CNTNAP5: variants seen among roughly 807,000 people sequenced by gnomAD.
The protein encoded by CNTNAP5 is contactin associated protein family member 5.
Under a neutral mutation model 150.2 loss-of-function variants are expected in CNTNAP5, and 72 were observed. That is an observed-to-expected ratio of 0.48 (90% CI 0.40 to 0.58). The LOEUF (loss-of-function observed/expected upper bound fraction) is 0.58, where lower values mean the gene tolerates loss of function less well. Ranked by LOEUF, CNTNAP5 falls within the 20% of genes least tolerant of loss-of-function variation. The pLI, the probability that CNTNAP5 is intolerant of heterozygous loss-of-function variation, is 0.00. For missense variants in CNTNAP5, 1,636 were observed against 1,626.2 expected (o/e 1.01, Z -0.10); for synonymous variants, 672 against 619.8 (o/e 1.08, Z -1.25).
At chr2:124,449,493 A>G (rs1289351306) in intron 6 of CNTNAP5, among the ~76,000 whole-genome samples, 1 of 152,142 alleles carries the variant, frequency 6.6e-6, no homozygotes, top group East Asian at 1.9e-4. Context: ...GCCAGATTTA[A>G]TGTTTATTTA....
chr2:124,448,269 A>AAATAATAATAATAATAATAAT (rs869148616), intron 6 of CNTNAP5, among the ~76,000 whole-genome samples: 5 of 144,280 alleles, frequency 3.5e-5, no homozygotes, highest in South Asian at 2.2e-4. Context: ...CTCCGTCTTA[A>AAATAATAATAATAATAATAAT]AATAATAATA....
chr2:124,915,992 G>A lies in CNTNAP5; in HGVS notation c.*1704G>A, dbSNP rs1188589172. On this transcript the variant is annotated 3_prime_UTR_variant, in exon 24 of 24. Transcript: ENST00000682447. ...TATTTGCCATCCTTGACAGTTAGCA[G>A]ACATTCCAACTTGTGCTTAGGGTAC... is the stretch of plus-strand genomic sequence containing the variant. Among the ~76,000 whole-genome samples, 1 of 152,036 alleles carries A rather than the reference G, an allele frequency of 6.6e-6. No homozygotes were observed. Among genetic ancestry groups the A allele is most frequent in the East Asian group, 1.9e-4 (1 of 5,164 alleles).
intron 8 of CNTNAP5, among the ~76,000 whole-genome samples, chr2:124,517,810 G>A (rs1378799806): frequency 6.6e-6 from 1 of 150,922 alleles, no homozygotes; most frequent in African/African-American, 2.4e-5. Flanking sequence ...GGGGGTTGTG[G>A]TGTTGGTAAT....
chr2:124,851,775 T>G (rs1215484829), intron 19 of CNTNAP5, among the ~76,000 whole-genome samples: 1 of 151,908 alleles, frequency 6.6e-6, no homozygotes, highest in Admixed American at 6.6e-5. Context: ...GAAGCTGAGA[T>G]TAAGAGGAGG....
At chr2:124,354,737 C>T (rs1689955914) in intron 3 of CNTNAP5, among the ~76,000 whole-genome samples, 1 of 152,208 alleles carries the variant, frequency 6.6e-6, no homozygotes, top group Non-Finnish European at 1.5e-5. Context: ...TATTGTTTAA[C>T]ACAGGGACAA....
chr2:124,803,427 A>G (rs1682013810), intron 19 of CNTNAP5, among the ~76,000 whole-genome samples: 1 of 152,180 alleles, frequency 6.6e-6, no homozygotes, highest in Non-Finnish European at 1.5e-5. Flanking sequence ...TTCTGTTTCT[A>G]TTCTTCCATC....
At chr2:124,706,185 C>T (rs1168919379) in intron 13 of CNTNAP5, among the ~76,000 whole-genome samples, 1 of 151,974 alleles carries the variant, frequency 6.6e-6, no homozygotes, top group Non-Finnish European at 1.5e-5. Flanking sequence ...GTTCCCTTTC[C>T]AAATGTTAGA....
chr2:124,033,917 G>GA (rs111870986), intron 1 of CNTNAP5, among the ~76,000 whole-genome samples: 2,384 of 141,856 alleles, frequency 0.017, 47 homozygotes, highest in African/African-American at 0.053. Context: ...ACCTTTTCCA[G>GA]AAAAAAAAAA....
At chr2:124,186,829 C>G (rs923445902) in intron 1 of CNTNAP5, among the ~76,000 whole-genome samples, 1 of 152,188 alleles carries the variant, frequency 6.6e-6, no homozygotes, top group African/African-American at 2.4e-5. Flanking sequence ...TTGCCTTCCT[C>G]CCAAAGAGAT....
intron 1 of CNTNAP5, among the ~76,000 whole-genome samples, chr2:124,027,558 A>T (rs2104616756): frequency 6.6e-6 from 1 of 152,358 alleles, no homozygotes; most frequent in South Asian, 2.1e-4. Flanking sequence ...TTTGTAAATT[A>T]ATTGAATTAT....
chr2:124,781,921 G>T (rs554625819), intron 17 of CNTNAP5, among the ~76,000 whole-genome samples: 2 of 152,268 alleles, frequency 1.3e-5, no homozygotes, highest in Admixed American at 6.5e-5. Flanking sequence ...TTGCCCTGAA[G>T]GGCAGATTCA....
chr2:124,853,823 C>T (rs539464686), intron 19 of CNTNAP5, among the ~76,000 whole-genome samples: 20 of 152,236 alleles, frequency 1.3e-4, no homozygotes, highest in African/African-American at 3.6e-4. Context: ...TCCATCCTCA[C>T]GTAGGCCCTG....
intron 1 of CNTNAP5, among the ~76,000 whole-genome samples, chr2:124,104,593 A>AT (rs1483665312): frequency 6.6e-6 from 1 of 152,154 alleles, no homozygotes; most frequent in Non-Finnish European, 1.5e-5. Context: ...TCCAATGAAC[A>AT]TTTTTTAGTC....
chr2:124,504,192 A>T, intron 7 of CNTNAP5, 100 bp from the exon 8 acceptor site: 1 of 1,189,498 alleles, frequency 8.4e-7, no homozygotes, highest in Non-Finnish European at 1.2e-6. Flanking sequence ...ATGTGGAATG[A>T]TCCTGAAATT....
At chr2:124,647,007 G>T (rs976027649) in intron 12 of CNTNAP5, among the ~76,000 whole-genome samples, 5 of 152,136 alleles carry the variant, frequency 3.3e-5, no homozygotes, top group African/African-American at 1.2e-4. Flanking sequence ...AAAAGGAAGT[G>T]ATTTATCCAA....
chr2:124,806,241 A>G (rs1467280882), intron 19 of CNTNAP5, among the ~76,000 whole-genome samples: 1 of 152,118 alleles, frequency 6.6e-6, no homozygotes. Flanking sequence ...TTTTGAATCT[A>G]GTAGGAGGAG....
chr2:124,219,932 T>A (rs767520852), intron 1 of CNTNAP5, among the ~76,000 whole-genome samples: 4 of 152,084 alleles, frequency 2.6e-5, no homozygotes, highest in Non-Finnish European at 4.4e-5. Flanking sequence ...TCAGTGAGGA[T>A]CTGGCTCGGT....
intron 13 of CNTNAP5, among the ~76,000 whole-genome samples, chr2:124,715,555 C>T (rs924450933): frequency 3.3e-5 from 5 of 152,090 alleles, no homozygotes; most frequent in Admixed American, 6.6e-5. Flanking sequence ...GGTACATGTG[C>T]ACAATGTGCA....
At chr2:124,331,063 G>T (rs1350760249) in intron 3 of CNTNAP5, among the ~76,000 whole-genome samples, 1 of 152,030 alleles carries the variant, frequency 6.6e-6, no homozygotes, top group Non-Finnish European at 1.5e-5. Context: ...ACTCATACTT[G>T]TCGGAGTCCT....
Sources: allele counts gnomAD v4.1 joint callset (sites outside exome capture counted in the v4.1 genomes callset), GRCh38; gene constraint gnomAD v4.1.1; transcripts MANE v1.5; gene names NCBI Gene and HGNC (gene_info 2026-07-23, HGNC 2026-07-21).